NPIPB7: variants seen among roughly 807,000 people sequenced by gnomAD.
The protein encoded by NPIPB7 is nuclear pore complex-interacting protein family member B7.
For synonymous variants in NPIPB7, 9 were observed against 88.1 expected, an observed-to-expected ratio of 0.10 and a Z score of 5.03; for missense variants, 14 against 238.5, an observed-to-expected ratio of 0.06 and a Z score of 6.20.
intron 2 of NPIPB7, among the ~76,000 whole-genome samples, chr16:28,463,344 T>C (rs1596611648): frequency 8.0e-6 from 1 of 125,744 alleles, no homozygotes; most frequent in Non-Finnish European, 1.7e-5. Context: ...TGAGCCGAGA[T>C]CACACCACTG....
rs1212667286 is a variant in NPIPB7 at position 28,463,387 on chromosome 16, TCTCA to T, written c.250-310_250-307del. 2.2e-3 allele frequency among the ~76,000 whole-genome samples: 182 copies of T among 80,900 alleles called. 2 individuals carry two copies. Among genetic ancestry groups the T allele is most frequent in the African/African-American group, 2.8e-3 (58 of 20,984 alleles). The allele number at this position is 80,900 out of a possible 152,430, so 53.1% of individuals were successfully genotyped here. A position where few individuals can be genotyped will look rare whatever the true frequency, so the allele number is the denominator to read the frequency against. On this transcript the variant is annotated intron_variant, in intron 2 of 6. Coordinates refer to ENST00000452313, the Ensembl canonical transcript of NPIPB7. ...GCCTGAGCGACAGAATGAGACTCTG[TCTCA>T]CACACACACACACACACACACACAC...
In NPIPB7 at chr16:28,469,517, A is replaced by G. The variant is rs369683558; in HGVS notation, c.66+856T>C. Reference sequence around the variant, plus strand: ...GGAGGCTGAGGCAGGAGAATCGCTCAAACCTGGGAAGCAGAGGTTGCGGTG... The same window carrying G: ...GGAGGCTGAGGCAGGAGAATCGCTCGAACCTGGGAAGCAGAGGTTGCGGTG... On this transcript the variant is annotated intron_variant, in intron 1 of 6. Coordinates refer to ENST00000452313, the Ensembl canonical transcript of NPIPB7. Among the ~76,000 whole-genome samples the G allele has an allele frequency of 2.2e-3, 309 of 139,502 alleles. 1 individual carries two copies. Among genetic ancestry groups the G allele is most frequent in the Admixed American group, 4.0e-3 (53 of 13,120 alleles). 91.5% of individuals were successfully genotyped at this position (139,502 alleles called of 152,430 possible).
chr16:28,461,087 CT>C (rs2045865201), intron 4 of NPIPB7, among the ~76,000 whole-genome samples: 1 of 134,012 alleles, frequency 7.5e-6, no homozygotes, highest in Non-Finnish European at 1.6e-5. Flanking sequence ...AGTTTCATTG[CT>C]GAATTCCAGA....
upstream of NPIPB7, among the ~76,000 whole-genome samples, chr16:28,472,146 C>T (rs1054230241): frequency 3.3e-5 from 5 of 152,188 alleles, no homozygotes; most frequent in Non-Finnish European, 7.3e-5. Flanking sequence ...GGTGCAGTGG[C>T]CCACGCCTGT....
chr16:28,463,389 TCACACACACACACA>T (rs57853696), intron 2 of NPIPB7, among the ~76,000 whole-genome samples: 7 of 45,830 alleles, frequency 1.5e-4, no homozygotes, highest in East Asian at 1.4e-3. Context: ...AGACTCTGTC[TCACACACACACACA>T]CACACACACA....
intron 1 of NPIPB7, chr16:28,469,661 T>C (rs369808477): frequency 1.3e-5 from 4 of 310,312 alleles, no homozygotes; most frequent in African/African-American, 7.0e-5. Context: ...TGCTGGTGTA[T>C]GTACTTTCCA....
intron 2 of NPIPB7, among the ~76,000 whole-genome samples, chr16:28,465,444 C>A: frequency 8.8e-6 from 1 of 113,826 alleles, no homozygotes; most frequent in Non-Finnish European, 1.8e-5. Context: ...GAGATCACAC[C>A]ATTATACTCC....
chr16:28,470,706 A>T (rs1467578993), upstream of NPIPB7, among the ~76,000 whole-genome samples: 1 of 149,878 alleles, frequency 6.7e-6, no homozygotes, highest in Non-Finnish European at 1.5e-5. Context: ...GGGCACCTGG[A>T]GGAGGTGGAG....
chr16:28,469,327 G>A (rs2045925335), intron 1 of NPIPB7, among the ~76,000 whole-genome samples: 1 of 112,946 alleles, frequency 8.9e-6, no homozygotes, highest in Admixed American at 9.9e-5. Flanking sequence ...GGCTGGGCAC[G>A]GTGGTTCACG....
At chr16:28,461,536 A>C (rs1389504546) in intron 4 of NPIPB7, among the ~76,000 whole-genome samples, 2 of 141,388 alleles carry the variant, frequency 1.4e-5, no homozygotes, top group Admixed American at 7.1e-5. Context: ...CAAGCATTGA[A>C]TTCAACAATC....
intron 1 of NPIPB7, among the ~76,000 whole-genome samples, chr16:28,468,788 C>G (rs2045921198): frequency 1.0e-5 from 1 of 95,418 alleles, no homozygotes. Context: ...GCCTGGGTGA[C>G]AGAGTGAGAC....
intron 1 of NPIPB7, chr16:28,469,830 C>G (rs1335271390): frequency 3.3e-6 from 1 of 307,368 alleles, no homozygotes; most frequent in Non-Finnish European, 6.3e-6. Flanking sequence ...ACTAAAAATA[C>G]AAAAATTAGC....
At chr16:28,461,256 G>A (rs561325973) in intron 4 of NPIPB7, among the ~76,000 whole-genome samples, 2 of 128,298 alleles carry the variant, frequency 1.6e-5, no homozygotes, top group African/African-American at 2.8e-5. Context: ...CAGAATAGAG[G>A]TAGACAGGAA....
At chr16:28,470,739 G>C (rs1323525540), upstream of NPIPB7, among the ~76,000 whole-genome samples, 2 of 150,968 alleles carry the variant, frequency 1.3e-5, no homozygotes, top group Admixed American at 6.6e-5. Context: ...AAAGGGGTCT[G>C]GGAAAGGATC....
chr16:28,470,683 G>C, upstream of NPIPB7: 1 of 544,458 alleles, frequency 1.8e-6, no homozygotes, highest in Non-Finnish European at 3.3e-6. Context: ...GAAAGGAGGA[G>C]AAGGGGGCTG....
Position 28,469,419 on chromosome 16 carries a change from A to G in NPIPB7, c.66+954T>C, listed in dbSNP as rs201335626. Among the ~76,000 whole-genome samples, 685 of 136,956 alleles carry G rather than the reference A, an allele frequency of 5.0e-3. 3 individuals are homozygous for G. In the East Asian group the frequency reaches 0.068, roughly 14 times the overall value. The allele number at this position is 136,956 out of a possible 152,430, so 89.8% of individuals were successfully genotyped here. A position where few individuals can be genotyped will look rare whatever the true frequency, so the allele number is the denominator to read the frequency against. On this transcript the variant is annotated intron_variant, in intron 1 of 6. Coordinates refer to ENST00000452313, the Ensembl canonical transcript of NPIPB7. Reference sequence around the variant, plus strand: ...TTCAAAACCAGCCTGACCAACATGGAGAAACCCTATCTCTACTAAAAATAC... The same window carrying G: ...TTCAAAACCAGCCTGACCAACATGGGGAAACCCTATCTCTACTAAAAATAC...
intron 2 of NPIPB7, among the ~76,000 whole-genome samples, chr16:28,464,388 T>C (rs1474996532): frequency 4.9e-4 from 75 of 152,098 alleles, no homozygotes; most frequent in Non-Finnish European, 8.2e-4. Flanking sequence ...CAGTATGCTT[T>C]TAATCTTCTA....
intron 2 of NPIPB7, among the ~76,000 whole-genome samples, chr16:28,464,364 T>C (rs1260240727): frequency 1.3e-5 from 2 of 151,792 alleles, no homozygotes; most frequent in African/African-American, 4.8e-5. Context: ...CCCTCCAAGA[T>C]TTCCATATTA....
chr16:28,470,629 G>GA (rs2045942700), upstream of NPIPB7: 1 of 107,170 alleles, frequency 9.3e-6, no homozygotes, highest in African/African-American at 4.9e-5. Context: ...AAGGGGAGGG[G>GA]AGGGGGAGGG....
Sources: gnomAD v4.1 joint callset for allele counts (sites outside exome capture counted in the v4.1 genomes callset) on GRCh38, gnomAD v4.1.1 for gene constraint, MANE v1.5 for transcripts, NCBI Gene and HGNC (gene_info 2026-07-23, HGNC 2026-07-21) for gene names.